The following MAPK15 variants were observed in gnomAD, a reference collection of about 807,000 sequenced individuals.
The protein encoded by MAPK15 is ERK-7.
MAPK15 carries 61 observed loss-of-function variants against 60.8 expected under a neutral mutation model. The observed-to-expected ratio is 1.00, with a 90% CI of 0.82 to 1.24. MAPK15 has a LOEUF of 1.24. Ranked by LOEUF, MAPK15 falls within the 50% of genes most tolerant of loss-of-function variation. The pLI, the probability that MAPK15 is intolerant of heterozygous loss-of-function variation, is 0.00. For synonymous variants in MAPK15, 356 were observed against 319.9 expected (o/e 1.11, Z -1.21); for missense variants, 808 against 741.1 (o/e 1.09, Z -1.05).
In MAPK15 at chr8:143,717,103, T is replaced by G. The variant is rs531426607; in HGVS notation, c.67-591T>G. Reference sequence around the variant, plus strand: ...GTGAGGGTCCGATCGTGTGGGAGCTTTGGGGAACTTCCAAGACTTTGGTTT... The same window carrying G: ...GTGAGGGTCCGATCGTGTGGGAGCTGTGGGGAACTTCCAAGACTTTGGTTT... On this transcript the variant is annotated intron_variant, in intron 1 of 13. Transcript: ENST00000338033. Among the ~76,000 whole-genome samples, 3 of 151,848 alleles carry G rather than the reference T, an allele frequency of 2.0e-5. No homozygotes were observed. The East Asian group carries it at 5.8e-4, about 29-fold the overall frequency.
At chr8:143,716,791 T>C (rs1333967965) in intron 1 of MAPK15, among the ~76,000 whole-genome samples, 1 of 152,036 alleles carries the variant, frequency 6.6e-6, no homozygotes, top group African/African-American at 2.4e-5. Flanking sequence ...CCCGGGTCAC[T>C]GAGAGGAAGG....
Position 143,719,163 on chromosome 8 carries a change from G to A in MAPK15, c.581+7G>A, listed in dbSNP as rs1817941606. 7 of 1,506,840 alleles carry A rather than the reference G, an allele frequency of 4.6e-6. No homozygotes were observed. The highest frequency in any genetic ancestry group is 2.5e-5 in the East Asian group (1 of 39,448). The allele number at this position is 1,506,840 out of a possible 1,614,324, so 93.3% of individuals were successfully genotyped here. ...TGCTGCTCTCTTCGCACCGGTAATAGCGAGACATCCCCAACCCCCCCTCCA... is the reference window on the plus strand; with the variant it reads ...TGCTGCTCTCTTCGCACCGGTAATAACGAGACATCCCCAACCCCCCCTCCA... On this transcript the variant is annotated splice_region_variant and intron_variant, in intron 6 of 13. Transcript: ENST00000338033.
At position 143,722,067 on chromosome 8, in the gene MAPK15, G is replaced by A. The variant is rs373460918; in HGVS notation, c.1459-8G>A. ...TGGCCCCTTTATGTGACCCTCAACT[G>A]TACACAGGTCCCTCCCCGGCTTCCT... On this transcript the variant is annotated splice_region_variant and splice_polypyrimidine_tract_variant and intron_variant, in intron 13 of 13. Transcript: ENST00000338033. 6 of 1,611,336 alleles carry A rather than the reference G, an allele frequency of 3.7e-6. No individual in the cohort carries two copies. Among genetic ancestry groups the A allele is most frequent in the Non-Finnish European group, 5.1e-6 (6 of 1,179,738 alleles).
Position 143,721,853 on chromosome 8 carries a change from T to C in MAPK15, c.1431T>C (p.Gly477=), listed in dbSNP as rs1818090211. The change falls in exon 13 of 14, where the codon GGT becomes GGC. Residue 477 remains glycine, a synonymous_variant. Coordinates refer to ENST00000338033, the MANE Select transcript of MAPK15 (RefSeq NM_139021.3). The stretch of plus-strand genomic sequence containing the variant: ...TCCGGGGTGACTGGAACCGGGGCGG[T>C]GGGGTGAGGGTGGCCAGCGTACAAC... ...ALIRGDWNRG[G]GVRVASVQQV... 1 of 1,603,712 alleles carries C rather than the reference T, an allele frequency of 6.2e-7. No individual in the cohort carries two copies. The highest frequency in any genetic ancestry group is 1.3e-5 in the African/African-American group (1 of 74,762).
chr8:143,720,749 G>A lies in MAPK15; in HGVS notation c.826G>A (p.Glu276Lys). The A allele has an allele frequency of 1.2e-6, 2 of 1,613,644 alleles. No homozygotes were observed. Among genetic ancestry groups the A allele is most frequent in the Non-Finnish European group, 1.7e-6 (2 of 1,179,814 alleles). ...DALLPPDTSPEALDLLRRLLV... is the reference protein window; with the variant it reads ...DALLPPDTSPKALDLLRRLLV... Reference sequence around the variant, plus strand: ...CCTCCTACCGCCAGACACCTCCCCAGAGGCCTTGGACCTCCTTAGGCGACT... The same window carrying A: ...CCTCCTACCGCCAGACACCTCCCCAAAGGCCTTGGACCTCCTTAGGCGACT... Residue 276 changes from glutamate (E) to lysine (K), a missense_variant, in exon 9 of 14, where the codon GAG (glutamate) becomes AAG (lysine). Glu to Lys is a moderately conservative substitution (Grantham distance 56). Coordinates refer to ENST00000338033, the MANE Select transcript of MAPK15 (RefSeq NM_139021.3). The surrounding 1 kb of genome is among the most constrained non-coding windows in gnomAD (Gnocchi z 4.6).
At position 143,718,067 on chromosome 8, in the gene MAPK15, G is replaced by T. The variant is rs781899206; in HGVS notation, c.186G>T (p.Thr62=). 6 of 1,614,016 alleles carry T rather than the reference G, an allele frequency of 3.7e-6. No individual in the cohort carries two copies. Among genetic ancestry groups the T allele is most frequent in the Middle Eastern group, 1.6e-4 (1 of 6,062 alleles). ...TDAQRTFREI[T]LLQEFGDHPN... ...TTCAGAGAACATTCCGGGAAATCAC[G>T]CTCCTCCAGGTGAGTGGCCTGGGCC... is the stretch of plus-strand genomic sequence containing the variant. The change falls in exon 3 of 14, where the codon ACG becomes ACT. Residue 62 remains threonine (T), a synonymous_variant. Transcript: ENST00000338033.
Position 143,721,792 on chromosome 8 carries a change from C to T in MAPK15, c.1370C>T (p.Ser457Phe), listed in dbSNP as rs1818085455. The T allele has an allele frequency of 5.6e-6, 9 of 1,613,248 alleles. 1 individual carries two copies. In the East Asian group the frequency reaches 2.0e-4, roughly 36 times the overall value. Residue 457 changes from serine to phenylalanine, a missense_variant, in exon 13 of 14, where the codon TCC becomes TTC. Coordinates refer to ENST00000338033, the MANE Select transcript of MAPK15 (RefSeq NM_139021.3). ...SGRGAAPSLTSQAAAQVANQA... is the reference protein window; with the variant it reads ...SGRGAAPSLTFQAAAQVANQA... ...AGGGGAGCTGCGCCCTCCCTGACCT[C>T]CCAGGCTGCGGCTCAGGTGGCCAAC...
chr8:143,718,995 GTCCAATGTGCTC>G lies in MAPK15; in HGVS notation c.421_432del (p.Ser141_Leu144del). On this transcript the variant is annotated inframe_deletion, in exon 6 of 14. Coordinates refer to ENST00000338033, the MANE Select transcript of MAPK15 (RefSeq NM_139021.3). Reference sequence around the variant, plus strand: ...CTCAGCCTGCCTCCTCTCTGCAGCCGTCCAATGTGCTCCTGGATGCCAACTGCACAGTGAAGC... The same window carrying G: ...CTCAGCCTGCCTCCTCTCTGCAGCCGCTGGATGCCAACTGCACAGTGAAGC... 6.2e-7 allele frequency: 1 copy of G among 1,606,846 alleles called. No individual in the cohort carries two copies. Among genetic ancestry groups the G allele is most frequent in the Non-Finnish European group, 8.5e-7 (1 of 1,177,160 alleles).
intron 4 of MAPK15, 28 bp from the exon 5 acceptor site, chr8:143,718,747 C>CCCCCCCCCCCCCCCG: frequency 6.7e-7 from 1 of 1,500,390 alleles, no homozygotes; most frequent in Non-Finnish European, 8.9e-7. Flanking sequence ...CCCCCCACCC[C>CCCCCCCCCCCCCCCG]CGACTGCAGT....
chr8:143,719,030 A>C lies in MAPK15; in HGVS notation c.455A>C (p.Lys152Thr). The change falls in exon 6 of 14, where the codon AAG becomes ACG. Residue 152 changes from lysine (K) to threonine (T), a missense_variant. Physicochemically the swap from Lys to Thr is moderately conservative, Grantham distance 78 (BLOSUM62 -1). Coordinates refer to ENST00000338033, the MANE Select transcript of MAPK15 (RefSeq NM_139021.3). ...CTCCTGGATGCCAACTGCACAGTGA[A>C]GCTGTGTGACTTTGGCCTGGCCCGC... ...NVLLDANCTVKLCDFGLARSL... is the reference protein window; with the variant it reads ...NVLLDANCTVTLCDFGLARSL... The C allele has an allele frequency of 6.2e-7, 1 of 1,604,652 alleles. No individual in the cohort carries two copies. Among genetic ancestry groups the C allele is most frequent in the Non-Finnish European group, 8.5e-7 (1 of 1,176,222 alleles).
chr8:143,721,417 T>C lies in MAPK15; in HGVS notation c.1204+6T>C. ...CCATGACCCTGCCGAGCACGGTGTGTGATCTTTGCTGGCCGCCCACGCGGA... is the reference window on the plus strand; with the variant it reads ...CCATGACCCTGCCGAGCACGGTGTGCGATCTTTGCTGGCCGCCCACGCGGA... On this transcript the variant is annotated splice_donor_region_variant and intron_variant, in intron 11 of 13. Transcript: ENST00000338033. 6.2e-7 allele frequency: 1 copy of C among 1,609,734 alleles called. No homozygotes were observed.
At position 143,719,329 on chromosome 8, in the gene MAPK15, G is replaced by A. The variant is rs373560323; in HGVS notation, c.582-14G>A. The A allele has an allele frequency of 9.0e-5, 142 of 1,584,812 alleles. No homozygotes were observed. The highest frequency in any genetic ancestry group is 1.9e-4 in the Admixed American group (11 of 56,958). On this transcript the variant is annotated splice_polypyrimidine_tract_variant and intron_variant, in intron 6 of 13. Transcript: ENST00000338033. ...CTCTGGGTCTCTCCATGCCTACACC[G>A]CTTCCTGCCCCAGATACACCCTTGG...
At position 143,721,399 on chromosome 8, in the gene MAPK15, C is replaced by T. The variant is rs537724339; in HGVS notation, c.1192C>T (p.Pro398Ser). Residue 398 changes from proline to serine, a missense_variant, in exon 11 of 14, where the codon CCT becomes TCT. Pro to Ser is a moderately conservative substitution (Grantham distance 74, BLOSUM62 -1). Transcript: ENST00000338033. ...PRPQSSPGHD[P>S]AEHESPRAAK... Reference sequence around the variant, plus strand: ...GCCCCAGAGCAGCCCAGGCCATGACCCTGCCGAGCACGGTGTGTGATCTTT... The same window carrying T: ...GCCCCAGAGCAGCCCAGGCCATGACTCTGCCGAGCACGGTGTGTGATCTTT... 4 of 1,611,458 alleles carry T rather than the reference C, an allele frequency of 2.5e-6. No individual in the cohort carries two copies. In the African/African-American group the frequency reaches 4.0e-5, roughly 16 times the overall value.
At position 143,719,468 on chromosome 8, in the gene MAPK15, C is replaced by T. The variant is rs541074717; in HGVS notation, c.707C>T (p.Pro236Leu). ...QLELILETIP[P>L]PSEEDLLALG... Reference sequence around the variant, plus strand: ...GAGCTGATCCTGGAGACCATCCCACCGCCATCTGAGGAGGGTGAGCCAGGC... The same window carrying T: ...GAGCTGATCCTGGAGACCATCCCACTGCCATCTGAGGAGGGTGAGCCAGGC... Residue 236 changes from proline (P) to leucine (L), a missense_variant, in exon 7 of 14, where the codon CCG becomes CTG. Pro to Leu is a moderately conservative substitution (Grantham distance 98). Transcript: ENST00000338033. 28 of 1,607,926 alleles carry T rather than the reference C, an allele frequency of 1.7e-5. 1 individual carries two copies. Among genetic ancestry groups the T allele is most frequent in the South Asian group, 1.1e-4 (10 of 90,370 alleles).
intron 1 of MAPK15, among the ~76,000 whole-genome samples, chr8:143,716,950 G>C (rs1428802315): frequency 6.6e-6 from 1 of 152,108 alleles, no homozygotes; most frequent in African/African-American, 2.4e-5. Flanking sequence ...GTGTGTGGGG[G>C]GGTGTTCGAG....
intron 3 of MAPK15, 53 bp downstream of exon 3, chr8:143,718,129 C>G (rs376145909): frequency 7.1e-5 from 115 of 1,613,564 alleles, no homozygotes; most frequent in Admixed American, 1.0e-4. Flanking sequence ...ACAGATCTCT[C>G]CAGACAGGAG....
chr8:143,718,279 T>G lies in MAPK15; in HGVS notation c.263T>G (p.Ile88Ser). ...DVIRAENDRD[I>S]YLVFEFMDTD... ...ATCCGGGCAGAGAACGACAGGGACATTTACCTGGTGTTTGAGTTTATGGGT... is the reference window on the plus strand; with the variant it reads ...ATCCGGGCAGAGAACGACAGGGACAGTTACCTGGTGTTTGAGTTTATGGGT... Residue 88 changes from isoleucine to serine, a missense_variant, in exon 4 of 14, where the codon ATT becomes AGT. Ile to Ser is a moderately radical substitution (Grantham distance 142). Transcript: ENST00000338033. 6.2e-7 allele frequency: 1 copy of G among 1,614,046 alleles called. No homozygotes were observed. Among genetic ancestry groups the G allele is most frequent in the Non-Finnish European group, 8.5e-7 (1 of 1,180,018 alleles).
At position 143,718,307 on chromosome 8, in the gene MAPK15, G is replaced by A. The variant is rs56325234; in HGVS notation, c.286+5G>A. 3 of 1,613,486 alleles carry A rather than the reference G, an allele frequency of 1.9e-6. No homozygotes were observed. Among genetic ancestry groups the A allele is most frequent in the African/African-American group, 2.7e-5 (2 of 74,944 alleles). ...ACCTGGTGTTTGAGTTTATGGGTGA[G>A]TGAGGCCCCGGCCAGCGCCCCAGCC... On this transcript the variant is annotated splice_donor_5th_base_variant and intron_variant, in intron 4 of 13. Transcript: ENST00000338033.
chr8:143,718,714 CTCCCCCCAGGT>C, intron 4 of MAPK15, 50 bp from the exon 5 acceptor site: 1 of 907,334 alleles, frequency 1.1e-6, no homozygotes, highest in East Asian at 2.7e-5. Flanking sequence ...CCCTCTCCCA[CTCCCCCCAGGT>C]TGCCCCCCCA....
Sources: gnomAD v4.1 joint callset for allele counts (sites outside exome capture counted in the v4.1 genomes callset) on GRCh38, gnomAD v4.1.1 for gene constraint, Gnocchi (gnomAD v3.1) non-coding constraint, MANE v1.5 for transcripts, NCBI Gene and HGNC (gene_info 2026-07-23, HGNC 2026-07-21) for gene names.